Variants in GLRA3 observed in about 807,000 individuals in gnomAD.
GLRA3 encodes the protein glycine receptor subunit alpha-3.
A neutral mutation model predicts 60.4 loss-of-function variants in GLRA3; 44 were observed. That is an observed-to-expected ratio of 0.73 (90% CI 0.57 to 0.94). The LOEUF (loss-of-function observed/expected upper bound fraction) is 0.94, where lower values mean the gene tolerates loss of function less well. Among genes scored for constraint, GLRA3 ranks in the 40% least tolerant of loss-of-function variants. The probability of loss-of-function intolerance (pLI) is 0.00; values close to 1 mark genes in which losing one functional copy is unlikely to be tolerated. For missense variants in GLRA3, 508 were observed against 564.6 expected, an observed-to-expected ratio of 0.90 and a Z score of 1.02; for synonymous variants, 223 against 192.9, an observed-to-expected ratio of 1.16 and a Z score of -1.29.
At chr4:174,764,556 C>CAA (rs370090291) in intron 3 of GLRA3, among the ~76,000 whole-genome samples, 72,841 of 147,232 alleles carry the variant, frequency 0.49, 17,891 homozygotes, top group African/African-American at 0.59. Context: ...GACTCCGTCT[C>CAA]AAAAAAAAAA....
chr4:174,734,322 A>G (rs889972960), intron 3 of GLRA3, among the ~76,000 whole-genome samples: 1 of 152,148 alleles, frequency 6.6e-6, no homozygotes, highest in Non-Finnish European at 1.5e-5. Flanking sequence ...CAATGGTGCA[A>G]TAATTGCTTC....
chr4:174,710,929 A>G (rs904730483), intron 5 of GLRA3, among the ~76,000 whole-genome samples: 76 of 151,972 alleles, frequency 5.0e-4, no homozygotes, highest in African/African-American at 1.8e-3. Flanking sequence ...TAGTGAAATC[A>G]TTTTTATTAA....
At chr4:174,708,923 T>C (rs1256015111) in intron 5 of GLRA3, among the ~76,000 whole-genome samples, 1 of 151,728 alleles carries the variant, frequency 6.6e-6, no homozygotes, top group Non-Finnish European at 1.5e-5. Flanking sequence ...TCTAGCCCTG[T>C]ACATCAACTT....
intron 1 of GLRA3, among the ~76,000 whole-genome samples, chr4:174,828,266 A>T (rs951530200): frequency 6.6e-6 from 1 of 152,162 alleles, no homozygotes; most frequent in African/African-American, 2.4e-5. Context: ...CCTTATTTTG[A>T]TTCATTTAAC....
intron 2 of GLRA3, 91 bp downstream of exon 2, chr4:174,788,725 G>A (rs1739216819): frequency 2.6e-6 from 2 of 782,376 alleles, no homozygotes; most frequent in African/African-American, 1.8e-5. Context: ...TTGAAAATAA[G>A]CATTAGAATT....
intron 5 of GLRA3, among the ~76,000 whole-genome samples, chr4:174,694,025 A>C (rs1734958670): frequency 6.6e-6 from 1 of 151,846 alleles, no homozygotes; most frequent in Non-Finnish European, 1.5e-5. Context: ...TCAATTCAAC[A>C]AGAAGACCTA....
chr4:174,675,802 A>G (rs1734096841), intron 7 of GLRA3, among the ~76,000 whole-genome samples: 1 of 152,198 alleles, frequency 6.6e-6, no homozygotes, highest in Non-Finnish European at 1.5e-5. Context: ...AGTGAGGCAG[A>G]GCATGTTAAT....
chr4:174,767,284 C>T (rs1308043659), intron 2 of GLRA3, among the ~76,000 whole-genome samples: 1 of 152,022 alleles, frequency 6.6e-6, no homozygotes, highest in African/African-American at 2.4e-5. Flanking sequence ...CTAGATGTCT[C>T]TAATGGCTCT....
chr4:174,639,366 ATGTGTATGTGTGTG>A lies in GLRA3; in HGVS notation c.*4406_*4419del, dbSNP rs761700228. ...TAAAGGAATTCATCTCATTACCAATATGTGTATGTGTGTGTGTGTGTGTGTGTGTGTGTGTGTGT... is the reference window on the plus strand; with the variant it reads ...TAAAGGAATTCATCTCATTACCAATATGTGTGTGTGTGTGTGTGTGTGTGT... On this transcript the variant is annotated 3_prime_UTR_variant, in exon 10 of 10. Transcript: ENST00000274093. 51 of 91,674 alleles carry A rather than the reference ATGTGTATGTGTGTG, an allele frequency of 5.6e-4. No individual in the cohort carries two copies. Among genetic ancestry groups the A allele is most frequent in the African/African-American group, 1.7e-3 (41 of 24,658 alleles). 5.7% of individuals were successfully genotyped at this position (91,674 alleles called of 1,614,324 possible).
intron 1 of GLRA3, among the ~76,000 whole-genome samples, chr4:174,813,722 C>T (rs1740365925): frequency 6.6e-6 from 1 of 152,188 alleles, no homozygotes; most frequent in Non-Finnish European, 1.5e-5. Context: ...AGACTTAGCC[C>T]TTTTCTGATT....
intron 3 of GLRA3, among the ~76,000 whole-genome samples, chr4:174,757,782 A>C (rs1737777221): frequency 6.6e-6 from 1 of 152,188 alleles, no homozygotes; most frequent in African/African-American, 2.4e-5. Flanking sequence ...AAGTTGGGCT[A>C]CATGCAGTGA....
intron 7 of GLRA3, among the ~76,000 whole-genome samples, chr4:174,666,758 AT>A (rs200603287): frequency 0.048 from 2,288 of 48,086 alleles, 38 homozygotes; most frequent in South Asian, 0.23. Context: ...ATATATATAT[AT>A]TATATATATA....
intron 3 of GLRA3, among the ~76,000 whole-genome samples, chr4:174,732,027 T>G (rs988701037): frequency 1.7e-4 from 26 of 152,098 alleles, no homozygotes; most frequent in African/African-American, 5.8e-4. Flanking sequence ...CAGGGCAAAA[T>G]GATCCTTTAT....
At chr4:174,764,490 G>T (rs1415366852) in intron 3 of GLRA3, among the ~76,000 whole-genome samples, 1 of 151,344 alleles carries the variant, frequency 6.6e-6, no homozygotes, top group African/African-American at 2.4e-5. Context: ...TTAATTGACT[G>T]CCTTAGTTGA....
Position 174,828,754 on chromosome 4 carries a change from C to T in GLRA3, c.58G>A (p.Ala20Thr). 1 of 1,608,462 alleles carries T rather than the reference C, an allele frequency of 6.2e-7. No homozygotes were observed. Among genetic ancestry groups the T allele is most frequent in the Non-Finnish European group, 8.5e-7 (1 of 1,174,822 alleles). Reference protein sequence around the residue: ...LVSGFYFWEAALLLSLVATKE... With the variant: ...LVSGFYFWEATLLLSLVATKE... ...AAGCGAACTCACCTGAGTAACAGTG[C>T]TGCTTCCCAGAAGTAAAATCCCGAA... Residue 20 changes from alanine (A) to threonine (T), a missense_variant, in exon 1 of 10, where the codon GCA (alanine) becomes ACA (threonine). Around this residue, in one of 3 missense-constraint regions of GLRA3, gnomAD observed 329 missense variants for 349.3 expected, o/e 0.94. Transcript: ENST00000274093.
chr4:174,691,051 G>A (rs1367061323), intron 5 of GLRA3, among the ~76,000 whole-genome samples: 1 of 152,132 alleles, frequency 6.6e-6, no homozygotes, highest in Non-Finnish European at 1.5e-5. Flanking sequence ...GAATTGCTGG[G>A]TTGAATGGTA....
rs191176050 is a variant in GLRA3 at position 174,678,576 on chromosome 4, C to A, written c.713-1284G>T. On this transcript the variant is annotated intron_variant, in intron 6 of 9. Transcript: ENST00000274093. The stretch of plus-strand genomic sequence containing the variant: ...CGTGATTGCACAGGTGATGCACAGG[C>A]ACTATATCTGGATGAACCCATGCAT... Among the ~76,000 whole-genome samples, 132 of 152,306 alleles carry A rather than the reference C, an allele frequency of 8.7e-4. 2 individuals are homozygous for A. Among genetic ancestry groups the A allele is most frequent in the Admixed American group, 7.1e-3 (108 of 15,300 alleles).
In GLRA3 at chr4:174,643,900, C is replaced by T. The variant is rs375970694; in HGVS notation, c.1281G>A (p.Lys427=). Residue 427 remains lysine, a synonymous_variant, in exon 10 of 10, where the codon AAG becomes AAA. Coordinates refer to ENST00000274093, the MANE Select transcript of GLRA3 (RefSeq NM_006529.4). ...MRKVFIDRAK[K]IDTISRACFP... is the part of the protein sequence containing the mutation. The stretch of plus-strand genomic sequence containing the variant: ...AGCAGGCTCGGGAGATGGTATCAAT[C>T]TTCTTGGCCCGGTCGATAAAGACCT... 99 of 1,613,976 alleles carry T rather than the reference C, an allele frequency of 6.1e-5. No individual in the cohort carries two copies. Among genetic ancestry groups the T allele is most frequent in the Non-Finnish European group, 7.8e-5 (92 of 1,180,002 alleles).
At chr4:174,783,661 A>G (rs1320301400) in intron 2 of GLRA3, among the ~76,000 whole-genome samples, 2 of 146,328 alleles carry the variant, frequency 1.4e-5, no homozygotes, top group African/African-American at 5.0e-5. Flanking sequence ...TGGGCGAAGG[A>G]CATGAACAGA....
Sources: gnomAD v4.1 joint callset for allele counts (sites outside exome capture counted in the v4.1 genomes callset) on GRCh38, gnomAD v4.1.1 for gene constraint, gnomAD v4.1.1 regional missense constraint, MANE v1.5 for transcripts, NCBI Gene and HGNC (gene_info 2026-07-23, HGNC 2026-07-21) for gene names.